ZFYVE9: variants seen among roughly 807,000 people sequenced by gnomAD.
The protein encoded by ZFYVE9 is zinc finger FYVE-type containing 9, also known as zinc finger FYVE domain-containing protein 9.
In ZFYVE9, 43 loss-of-function variants were observed where a neutral mutation model predicts 126.7. The observed-to-expected ratio is 0.34, with a 90% confidence interval of 0.27 to 0.44. The LOEUF is 0.44. Among genes scored for constraint, ZFYVE9 ranks in the 20% least tolerant of loss-of-function variants. The probability of loss-of-function intolerance (pLI) is 1.00; values close to 1 mark genes in which losing one functional copy is unlikely to be tolerated. For missense variants in ZFYVE9, 1,476 were observed against 1,697.0 expected (o/e 0.87, Z 2.29); for synonymous variants, 521 against 597.4 (o/e 0.87, Z 1.87).
chr1:52,214,403 G>A (rs1044205455), intron 1 of ZFYVE9, among the ~76,000 whole-genome samples: 1 of 151,996 alleles, frequency 6.6e-6, no homozygotes, highest in East Asian at 1.9e-4. Context: ...TTCCAGCCTG[G>A]GTGATTGAGT....
chr1:52,242,357 T>A (rs927891205), intron 4 of ZFYVE9, among the ~76,000 whole-genome samples: 2 of 152,136 alleles, frequency 1.3e-5, no homozygotes, highest in African/African-American at 4.8e-5. Context: ...TAATTATGAT[T>A]TCATTTATGT....
chr1:52,307,248 GT>G (rs1304388155), intron 13 of ZFYVE9, among the ~76,000 whole-genome samples: 2 of 151,606 alleles, frequency 1.3e-5, no homozygotes, highest in Non-Finnish European at 2.9e-5. Flanking sequence ...GTTTTGTTTT[GT>G]TTTTGAGACA....
At chr1:52,287,696 CAAAAAAA>C (rs562577492) in intron 10 of ZFYVE9, among the ~76,000 whole-genome samples, 2 of 112,940 alleles carry the variant, frequency 1.8e-5, no homozygotes, top group African/African-American at 6.2e-5. Context: ...CTATCTGTAC[CAAAAAAA>C]AAAAAAAAAA....
chr1:52,251,462 G>T (rs1645446000), intron 4 of ZFYVE9, among the ~76,000 whole-genome samples: 1 of 151,936 alleles, frequency 6.6e-6, no homozygotes, highest in Non-Finnish European at 1.5e-5. Flanking sequence ...ATGATCATTT[G>T]GGGTTTTTTG....
intron 13 of ZFYVE9, among the ~76,000 whole-genome samples, chr1:52,319,750 C>T (rs1406202491): frequency 1.3e-5 from 2 of 151,964 alleles, no homozygotes; most frequent in African/African-American, 4.8e-5. Flanking sequence ...CGCAGTGGCT[C>T]AGGCCTGTAA....
chr1:52,212,396 C>G (rs1645036562), intron 1 of ZFYVE9, among the ~76,000 whole-genome samples: 1 of 152,216 alleles, frequency 6.6e-6, no homozygotes, highest in Admixed American at 6.5e-5. Context: ...AGCCACCCAC[C>G]TTGGCCTCCC....
chr1:52,180,498 T>A lies in ZFYVE9; in HGVS notation c.-142-35871T>A, dbSNP rs536028548. The A allele has an allele frequency of 7.0e-5, 58 of 833,222 alleles. 1 individual carries two copies. The East Asian group carries it at 1.3e-3, about 18-fold the overall frequency. 51.6% of individuals were successfully genotyped at this position (833,222 alleles called of 1,614,324 possible). A position where few individuals can be genotyped will look rare whatever the true frequency, so the allele number is the denominator to read the frequency against. ...GAAGCCAGTTGAAGATGTATTGCTG[T>A]CCTCAGTGCAATGCTCTGTCCCCAT... is the stretch of plus-strand genomic sequence containing the variant. On this transcript the variant is annotated intron_variant, in intron 1 of 18. Transcript: ENST00000287727.
At chr1:52,192,215 A>G (rs1644822536) in intron 1 of ZFYVE9, among the ~76,000 whole-genome samples, 1 of 152,204 alleles carries the variant, frequency 6.6e-6, no homozygotes. Flanking sequence ...ATGGCAATCT[A>G]TCCTATAAAA....
intron 1 of ZFYVE9, among the ~76,000 whole-genome samples, chr1:52,185,002 CAAAA>C (rs1165802990): frequency 6.6e-6 from 1 of 151,916 alleles, no homozygotes; most frequent in South Asian, 2.1e-4. Flanking sequence ...CTAAACAAAA[CAAAA>C]AAAGAATTGA....
At chr1:52,272,827 A>G (rs1441078591) in intron 7 of ZFYVE9, among the ~76,000 whole-genome samples, 5 of 151,464 alleles carry the variant, frequency 3.3e-5, no homozygotes, top group Non-Finnish European at 5.9e-5. Context: ...ACGCCCAGCT[A>G]ATTTTTATAT....
chr1:52,224,303 G>C (rs537401652), intron 2 of ZFYVE9, among the ~76,000 whole-genome samples: 11 of 152,082 alleles, frequency 7.2e-5, no homozygotes, highest in Non-Finnish European at 1.5e-4. Flanking sequence ...TGTTCAGCTT[G>C]GGGTGGAGGG....
At chr1:52,181,667 T>A (rs1264382337) in intron 1 of ZFYVE9, among the ~76,000 whole-genome samples, 1 of 151,060 alleles carries the variant, frequency 6.6e-6, no homozygotes, top group Non-Finnish European at 1.5e-5. Context: ...CCATCCCATC[T>A]AGGAAGTGAG....
At chr1:52,335,888 C>T (rs1235237728) in intron 15 of ZFYVE9, among the ~76,000 whole-genome samples, 1 of 152,126 alleles carries the variant, frequency 6.6e-6, no homozygotes, top group African/African-American at 2.4e-5. Context: ...AATCTCAGCA[C>T]TTTGGGAGGC....
At chr1:52,182,855 G>A (rs1644725922) in intron 1 of ZFYVE9, among the ~76,000 whole-genome samples, 1 of 151,614 alleles carries the variant, frequency 6.6e-6, no homozygotes, top group Admixed American at 6.6e-5. Flanking sequence ...TGGCACATGT[G>A]TATTTTCCTC....
intron 3 of ZFYVE9, among the ~76,000 whole-genome samples, chr1:52,233,599 C>T (rs1323064607): frequency 6.6e-6 from 1 of 152,172 alleles, no homozygotes; most frequent in African/African-American, 2.4e-5. Context: ...CTGAACTACC[C>T]TATACAATGA....
intron 4 of ZFYVE9, among the ~76,000 whole-genome samples, chr1:52,259,877 G>A (rs977853993): frequency 1.3e-5 from 2 of 152,046 alleles, no homozygotes; most frequent in African/African-American, 2.4e-5. Context: ...CATGTCAATC[G>A]GTACATACAG....
chr1:52,292,851 C>T (rs1645936052), intron 10 of ZFYVE9, among the ~76,000 whole-genome samples: 1 of 151,990 alleles, frequency 6.6e-6, no homozygotes, highest in South Asian at 2.1e-4. Context: ...ACAGTTTAAC[C>T]AAGGAAGGCA....
At chr1:52,184,205 A>C (rs1644742173) in intron 1 of ZFYVE9, among the ~76,000 whole-genome samples, 1 of 143,664 alleles carries the variant, frequency 7.0e-6, no homozygotes, top group African/African-American at 2.6e-5. Context: ...CATTATATAT[A>C]TATATTTATA....
chr1:52,176,798 G>C (rs188512930), intron 1 of ZFYVE9, among the ~76,000 whole-genome samples: 3 of 152,204 alleles, frequency 2.0e-5, no homozygotes, highest in African/African-American at 7.2e-5. Context: ...CTCCGAGCCA[G>C]GTGTGGGATA....
Sources: allele counts gnomAD v4.1 joint callset (sites outside exome capture counted in the v4.1 genomes callset), GRCh38; gene constraint gnomAD v4.1.1; transcripts MANE v1.5; gene names NCBI Gene and HGNC (gene_info 2026-07-23, HGNC 2026-07-21).